The following DNM2 variants were observed in gnomAD, a reference collection of about 807,000 sequenced individuals.
The protein encoded by DNM2 is dynamin-2.
In DNM2, 15 loss-of-function variants were observed where a neutral mutation model predicts 99.0. That is an observed-to-expected ratio of 0.15 (90% CI 0.10 to 0.23). DNM2 has a LOEUF of 0.23. DNM2 is among the 10% of genes least tolerant of loss of function. The probability of loss-of-function intolerance (pLI) is 1.00; values close to 1 mark genes in which losing one functional copy is unlikely to be tolerated. For missense variants in DNM2, 742 were observed against 1,189.4 expected (o/e 0.62, Z 5.53); for synonymous variants, 525 against 481.2 (o/e 1.09, Z -1.19).
intron 1 of DNM2, 82 bp from the exon 2 acceptor site, chr19:10,759,656 G>T: frequency 6.4e-7 from 1 of 1,567,662 alleles, no homozygotes; most frequent in Non-Finnish European, 8.8e-7. Flanking sequence ...GCAAGACAGA[G>T]TTGCTCCACC....
Position 10,795,522 on chromosome 19 carries a change from A to T in DNM2, c.1196+83A>T, listed in dbSNP as rs1438196282. ...GCTAATTGGGTCACCCACACCTCTG[A>T]GTCCCTAATCGTTAGGCCTTAAGAG... On this transcript the variant is annotated intron_variant, in intron 9 of 20. Coordinates refer to ENST00000389253, the MANE Select transcript of DNM2 (RefSeq NM_001005361.3). This position sits in a 1 kb window ranked among gnomAD's most constrained non-coding sequence, Gnocchi z 4.2. 10 of 1,515,120 alleles carry T rather than the reference A, an allele frequency of 6.6e-6. No individual in the cohort carries two copies. The highest frequency in any genetic ancestry group is 9.2e-6 in the Non-Finnish European group (10 of 1,092,730). 93.9% of individuals were successfully genotyped at this position (1,515,120 alleles called of 1,614,324 possible). A position where few individuals can be genotyped will look rare whatever the true frequency, so the allele number is the denominator to read the frequency against.
intron 1 of DNM2, among the ~76,000 whole-genome samples, chr19:10,741,743 G>A (rs1178299537): frequency 6.6e-6 from 1 of 151,548 alleles, no homozygotes; most frequent in Non-Finnish European, 1.5e-5. Context: ...AGTAGAGACG[G>A]GGTTTCACCG....
rs367672556 is a variant in DNM2, at chr19:10,795,298, G to A, written c.1129-74G>A. On this transcript the variant is annotated intron_variant, in intron 8 of 20. Coordinates refer to ENST00000389253, the MANE Select transcript of DNM2 (RefSeq NM_001005361.3). The surrounding 1 kb of genome is among the most constrained non-coding windows in gnomAD (Gnocchi z 4.2). ...AATATAGCCACACGTGGGAGAGAAC[G>A]TTCCCCAGATGCACGCCTGCCACGG... 50 of 1,398,840 alleles carry A rather than the reference G, an allele frequency of 3.6e-5. No homozygotes were observed. In the South Asian group the frequency reaches 3.8e-4, roughly 11 times the overall value. 86.7% of individuals were successfully genotyped at this position (1,398,840 alleles called of 1,614,324 possible).
At chr19:10,774,728 C>CTTTTTTTTTTT (rs34413054) in intron 3 of DNM2, among the ~76,000 whole-genome samples, 5 of 121,432 alleles carry the variant, frequency 4.1e-5, no homozygotes, top group African/African-American at 1.6e-4. Context: ...TTGGCCTATG[C>CTTTTTTTTTTT]TTTTTTTTTT....
rs972453386 is a variant in DNM2, at chr19:10,765,160, G to A, written c.235+5349G>A. Among the ~76,000 whole-genome samples, 6 of 151,928 alleles carry A rather than the reference G, an allele frequency of 3.9e-5. No individual in the cohort carries two copies. The highest frequency in any genetic ancestry group is 4.8e-5 in the African/African-American group (2 of 41,394). On this transcript the variant is annotated intron_variant, in intron 2 of 20. Coordinates refer to ENST00000389253, the MANE Select transcript of DNM2 (RefSeq NM_001005361.3). This position sits in a 1 kb window ranked among gnomAD's most constrained non-coding sequence, Gnocchi z 4.4. The stretch of plus-strand genomic sequence containing the variant: ...TGCTTAGTAGAGACGGGGTTTCACC[G>A]TGTTAGCCAGGATGGTCTCGATCTC...
At chr19:10,726,358 G>A (rs1040684887) in intron 1 of DNM2, among the ~76,000 whole-genome samples, 8 of 152,022 alleles carry the variant, frequency 5.3e-5, no homozygotes, top group Non-Finnish European at 8.8e-5. Flanking sequence ...GCCGAACCCG[G>A]CCTTAGTTTC....
At chr19:10,805,855 C>A (rs1424748607) in intron 12 of DNM2, 61 bp from the exon 13 acceptor site, 1 of 1,611,382 alleles carries the variant, frequency 6.2e-7, no homozygotes, top group Non-Finnish European at 8.5e-7. Flanking sequence ...ACATTCGCCT[C>A]TTCCCCTTCT....
At chr19:10,781,886 A>G (rs994164633) in intron 5 of DNM2, 5 of 149,932 alleles carry the variant, frequency 3.3e-5, no homozygotes, top group East Asian at 2.0e-4. Flanking sequence ...TTTCAGTTCT[A>G]CCTCCTTCTC....
At chr19:10,746,926 G>A (rs1196800804) in intron 1 of DNM2, among the ~76,000 whole-genome samples, 2 of 151,606 alleles carry the variant, frequency 1.3e-5, no homozygotes, top group African/African-American at 2.4e-5. Context: ...TAGTAGAGAC[G>A]GAGTTTCTCC....
At chr19:10,750,226 C>G (rs185171435) in intron 1 of DNM2, among the ~76,000 whole-genome samples, 3 of 152,134 alleles carry the variant, frequency 2.0e-5, no homozygotes, top group Non-Finnish European at 4.4e-5. Flanking sequence ...CACCTGTAAT[C>G]CCGGTGCTTT....
intron 3 of DNM2, among the ~76,000 whole-genome samples, chr19:10,773,542 G>A (rs1245359063): frequency 1.3e-5 from 2 of 150,780 alleles, no homozygotes; most frequent in Non-Finnish European, 3.0e-5. Flanking sequence ...TTCACCTCCC[G>A]GGTTCAAGCA....
chr19:10,810,846 C>G (rs1464923876), intron 14 of DNM2: 1 of 153,070 alleles, frequency 6.5e-6, no homozygotes, highest in Non-Finnish European at 1.5e-5. Flanking sequence ...CCCCGCTCCC[C>G]CCGGGTGAAT....
At chr19:10,759,589 C>CAG in intron 1 of DNM2, 149 bp from the exon 2 acceptor site, 1 of 899,650 alleles carries the variant, frequency 1.1e-6, no homozygotes, top group Admixed American at 1.7e-5. Flanking sequence ...CCTCCAAGAC[C>CAG]AGAGCATTCC....
chr19:10,794,812 G>C (rs955436936), intron 8 of DNM2, among the ~76,000 whole-genome samples: 7 of 152,136 alleles, frequency 4.6e-5, no homozygotes, highest in African/African-American at 9.7e-5. Context: ...CATACTGATA[G>C]TCTGAAAAAT....
At chr19:10,813,045 A>C (rs1482325065) in intron 15 of DNM2, among the ~76,000 whole-genome samples, 2 of 152,214 alleles carry the variant, frequency 1.3e-5, no homozygotes, top group African/African-American at 4.8e-5. Context: ...CTCCAGGGGC[A>C]CCGGGGTTCC....
chr19:10,718,277 T>C lies in DNM2; in HGVS notation c.35T>C (p.Leu12Pro). 1 of 1,495,324 alleles carries C rather than the reference T, an allele frequency of 6.7e-7. No homozygotes were observed. The highest frequency in any genetic ancestry group is 2.9e-5 in the East Asian group (1 of 34,350). 92.6% of individuals were successfully genotyped at this position (1,495,324 alleles called of 1,614,324 possible). A position where few individuals can be genotyped will look rare whatever the true frequency, so the allele number is the denominator to read the frequency against. ...GNRGMEELIP[L>P]VNKLQDAFSS... ...CGCGGGATGGAAGAGCTGATCCCGCTGGTCAACAAACTGCAGGACGCCTTC... is the reference window on the plus strand; with the variant it reads ...CGCGGGATGGAAGAGCTGATCCCGCCGGTCAACAAACTGCAGGACGCCTTC... Residue 12 changes from leucine (L) to proline (P), a missense_variant, in exon 1 of 21, where the codon CTG (leucine) becomes CCG (proline). Physicochemically the swap from Leu to Pro is moderately conservative, Grantham distance 98. Coordinates refer to ENST00000389253, the MANE Select transcript of DNM2 (RefSeq NM_001005361.3).
chr19:10,753,405 CT>C (rs1418803832), intron 1 of DNM2, among the ~76,000 whole-genome samples: 1 of 114,000 alleles, frequency 8.8e-6, no homozygotes, highest in Non-Finnish European at 1.8e-5. Flanking sequence ...TCCCCCTTCC[CT>C]TCCCCCCCCC....
chr19:10,782,635 G>A (rs754965014), intron 5 of DNM2, among the ~76,000 whole-genome samples: 1 of 152,174 alleles, frequency 6.6e-6, no homozygotes, highest in Non-Finnish European at 1.5e-5. Context: ...TGGGATTACA[G>A]GCGTGAGCCA....
Position 10,786,722 on chromosome 19 carries a change from C to CCCA in DNM2, c.992+31_992+33dup, listed in dbSNP as rs758857697. On this transcript the variant is annotated intron_variant, in intron 7 of 20. Coordinates refer to ENST00000389253, the MANE Select transcript of DNM2 (RefSeq NM_001005361.3). The stretch of plus-strand genomic sequence containing the variant: ...CCCTGCTGCAGTATGTACCCCGGCA[C>CCCA]CCACCACCACCACCACCCTGGCCCC... 5.6e-6 allele frequency: 9 copies of CCCA among 1,613,444 alleles called. No homozygotes were observed. The highest frequency in any genetic ancestry group is 1.3e-5 in the African/African-American group (1 of 74,870).
Sources: allele counts gnomAD v4.1 joint callset (sites outside exome capture counted in the v4.1 genomes callset), GRCh38; gene constraint gnomAD v4.1.1; non-coding constraint Gnocchi (gnomAD v3.1); transcripts MANE v1.5; gene names NCBI Gene and HGNC (gene_info 2026-07-23, HGNC 2026-07-21).